Variants in RSAD2 observed in about 807,000 individuals in gnomAD.
RSAD2 encodes the protein S-adenosylmethionine-dependent nucleotide dehydratase RSAD2.
In RSAD2, 38 loss-of-function variants were observed where a neutral mutation model predicts 37.7. That is an observed-to-expected ratio of 1.01 (90% CI 0.78 to 1.32). RSAD2 has a LOEUF of 1.32. Among genes scored for constraint, RSAD2 ranks in the 40% most tolerant of loss-of-function variants. The pLI, the probability that RSAD2 is intolerant of heterozygous loss-of-function variation, is 0.00. For synonymous variants in RSAD2, 163 were observed against 157.4 expected (o/e 1.04, Z -0.27); for missense variants, 428 against 437.5 (o/e 0.98, Z 0.19).
At chr2:6,893,397 T>C (rs780274699) in intron 4 of RSAD2, among the ~76,000 whole-genome samples, 2 of 152,170 alleles carry the variant, frequency 1.3e-5, no homozygotes, top group Non-Finnish European at 2.9e-5. Context: ...GGAAATTGCC[T>C]TGGGGTTCAA....
chr2:6,877,775 C>T (rs1663311033), upstream of RSAD2: 2 of 1,582,892 alleles, frequency 1.3e-6, no homozygotes, highest in Admixed American at 3.5e-5. Flanking sequence ...CATACAGAGA[C>T]TGCTCTGCTC....
intron 1 of RSAD2, 135 bp from the exon 2 acceptor site, chr2:6,883,236 G>A: frequency 1.1e-6 from 1 of 914,940 alleles, no homozygotes. Flanking sequence ...TTGGTGTTGG[G>A]AACTAGGGTT....
intron 2 of RSAD2, chr2:6,883,862 T>C (rs2103243627): frequency 4.3e-6 from 1 of 234,500 alleles, no homozygotes; most frequent in Middle Eastern, 1.5e-3. Context: ...GACAGCTTTG[T>C]AATAAAATAT....
At chr2:6,893,594 C>A in intron 4 of RSAD2, 77 bp from the exon 5 acceptor site, 1 of 1,144,528 alleles carries the variant, frequency 8.7e-7, no homozygotes, top group Non-Finnish European at 1.3e-6. Flanking sequence ...ACAATGCAAA[C>A]ACTACAGGTG....
intron 2 of RSAD2, among the ~76,000 whole-genome samples, chr2:6,884,588 C>CGTGGT (rs1558335999): frequency 3.9e-5 from 6 of 152,158 alleles, no homozygotes; most frequent in African/African-American, 1.4e-4. Context: ...AGGATGTCCT[C>CGTGGT]ATGGTGTGCA....
chr2:6,889,273 A>G (rs1663582248), intron 3 of RSAD2, among the ~76,000 whole-genome samples: 1 of 152,248 alleles, frequency 6.6e-6, no homozygotes, highest in Non-Finnish European at 1.5e-5. Flanking sequence ...ACCCCTCCCA[A>G]GATGCTCACA....
intron 4 of RSAD2, among the ~76,000 whole-genome samples, chr2:6,891,414 C>G (rs1663626072): frequency 6.6e-6 from 1 of 152,124 alleles, no homozygotes; most frequent in African/African-American, 2.4e-5. Flanking sequence ...TACCTTAAAA[C>G]AAGAGAAATA....
In RSAD2 at chr2:6,890,282, G is replaced by A. The variant is rs749247801; in HGVS notation, c.845G>A (p.Arg282His). 17 of 1,614,028 alleles carry A rather than the reference G, an allele frequency of 1.1e-5. No homozygotes were observed. Among genetic ancestry groups the A allele is most frequent in the Admixed American group, 3.3e-5 (2 of 60,010 alleles). ...GDEEFERFLE[R>H]HKEVSCLVPE... Reference sequence around the variant, plus strand: ...GAAGAATTTGAAAGATTCTTGGAGCGCCACAAAGAAGTGTCCTGCTTGGTG... The same window carrying A: ...GAAGAATTTGAAAGATTCTTGGAGCACCACAAAGAAGTGTCCTGCTTGGTG... Residue 282 changes from arginine (R) to histidine (H), a missense_variant, in exon 4 of 6, where the codon CGC becomes CAC. Transcript: ENST00000382040.
In RSAD2 at chr2:6,888,368, G is replaced by C. The variant is rs1478868328; in HGVS notation, c.738+1204G>C. ...TATGAATTATCAGCCACATTCCCAG[G>C]TCTAGAAGGAACTGGAGAAAAGCTA... On this transcript the variant is annotated intron_variant, in intron 3 of 5. Coordinates refer to ENST00000382040, the MANE Select transcript of RSAD2 (RefSeq NM_080657.5). Among the ~76,000 whole-genome samples, 3 of 152,100 alleles carry C rather than the reference G, an allele frequency of 2.0e-5. No homozygotes were observed. In the East Asian group the frequency reaches 5.8e-4, roughly 29 times the overall value.
At chr2:6,885,200 C>T (rs1251440956) in intron 2 of RSAD2, among the ~76,000 whole-genome samples, 1 of 152,190 alleles carries the variant, frequency 6.6e-6, no homozygotes, top group Non-Finnish European at 1.5e-5. Context: ...CTGAGTCCTT[C>T]TCCATCCCAG....
upstream of RSAD2, among the ~76,000 whole-genome samples, chr2:6,873,008 G>C (rs1226326487): frequency 6.6e-6 from 1 of 152,114 alleles, no homozygotes; most frequent in Non-Finnish European, 1.5e-5. Context: ...CCTGTTTTCA[G>C]GTTGTAAATG....
At chr2:6,871,109 C>A (rs1483243951) in intron 1 of RSAD2, among the ~76,000 whole-genome samples, 1 of 152,164 alleles carries the variant, frequency 6.6e-6, no homozygotes, top group Non-Finnish European at 1.5e-5. Context: ...TGAAAGTCCT[C>A]AATGGAATCA....
At chr2:6,876,083 T>A (rs1005827797), upstream of RSAD2, among the ~76,000 whole-genome samples, 3 of 152,202 alleles carry the variant, frequency 2.0e-5, no homozygotes, top group African/African-American at 7.2e-5. Flanking sequence ...GTTTGTGCTG[T>A]TGCTGCCACT....
chr2:6,886,461 C>T (rs1312729386), intron 2 of RSAD2, among the ~76,000 whole-genome samples: 2 of 152,106 alleles, frequency 1.3e-5, no homozygotes, highest in Non-Finnish European at 1.5e-5. Context: ...GATGATGAGA[C>T]AACTGTCAAG....
upstream of RSAD2, among the ~76,000 whole-genome samples, chr2:6,873,159 G>A (rs948455014): frequency 8.5e-5 from 13 of 152,098 alleles, no homozygotes; most frequent in African/African-American, 2.9e-4. Flanking sequence ...ATGCTAAGAT[G>A]TTTATTTTGA....
intron 1 of RSAD2, among the ~76,000 whole-genome samples, chr2:6,872,761 A>G (rs143702415): frequency 1.2e-4 from 18 of 152,330 alleles, no homozygotes; most frequent in Non-Finnish European, 2.4e-4. Context: ...TTGAAAAGAA[A>G]TCGTATATGA....
intron 1 of RSAD2, among the ~76,000 whole-genome samples, chr2:6,882,430 G>A (rs1308449939): frequency 8.3e-5 from 3 of 36,166 alleles, no homozygotes; most frequent in Non-Finnish European, 1.1e-4. Context: ...ATAGAAAGAC[G>A]AAAAGTTAAA....
At chr2:6,872,016 G>T (rs1663211619) in intron 1 of RSAD2, among the ~76,000 whole-genome samples, 1 of 152,172 alleles carries the variant, frequency 6.6e-6, no homozygotes, top group Non-Finnish European at 1.5e-5. Context: ...GAAGTATCAT[G>T]AAATTTTCCA....
At position 6,890,234 on chromosome 2, in the gene RSAD2, CA is replaced by C. The variant is rs1350508243; in HGVS notation, c.798del (p.Glu267LysfsTer31). The C allele has an allele frequency of 2.5e-6, 4 of 1,614,070 alleles. No individual in the cohort carries two copies. The highest frequency in any genetic ancestry group is 3.4e-6 in the Non-Finnish European group (4 of 1,179,966). ...TGTGGAGAAGATGCTCTAAGAGAAG[CA>C]GAAAGATTTGTTATTGGTGATGAAG... is the stretch of plus-strand genomic sequence containing the variant. Reference protein sequence around the residue: ...ENCGEDALREAERFVIGDEEF... With the variant: ...ENCGEDALREXERFVIGDEEF... On this transcript the variant is annotated frameshift_variant, in exon 4 of 6. Coordinates refer to ENST00000382040, the MANE Select transcript of RSAD2 (RefSeq NM_080657.5). LOFTEE classifies it high-confidence loss of function.
Sources: gnomAD v4.1 joint callset for allele counts (sites outside exome capture counted in the v4.1 genomes callset) on GRCh38, gnomAD v4.1.1 for gene constraint, MANE v1.5 for transcripts, NCBI Gene and HGNC (gene_info 2026-07-23, HGNC 2026-07-21) for gene names.